LRRC25: variants seen among roughly 807,000 people sequenced by gnomAD.
LRRC25 encodes the protein leucine-rich repeat-containing protein 25.
In LRRC25, 5 loss-of-function variants were observed where a neutral mutation model predicts 18.8. The observed-to-expected ratio is 0.27, with a 90% CI of 0.14 to 0.56. LRRC25 has a LOEUF of 0.56. LRRC25 is among the 20% of genes least tolerant of loss of function. The pLI is 0.93. For missense variants in LRRC25, 341 were observed against 389.8 expected (o/e 0.87, Z 1.05); for synonymous variants, 161 against 176.8 (o/e 0.91, Z 0.71).
chr19:18,394,880 C>T (rs8102397), intron 1 of LRRC25, among the ~76,000 whole-genome samples: 7,276 of 151,958 alleles, frequency 0.048, 458 homozygotes, highest in African/African-American at 0.15. Flanking sequence ...GAGTTTGAGA[C>T]CAGCCTGAGA....
Position 18,391,882 on chromosome 19 carries a change from C to T in LRRC25, c.*105G>A. 1 of 1,384,476 alleles carries T rather than the reference C, an allele frequency of 7.2e-7. No homozygotes were observed. Among genetic ancestry groups the T allele is most frequent in the South Asian group, 1.3e-5 (1 of 75,794 alleles). 85.8% of individuals were successfully genotyped at this position (1,384,476 alleles called of 1,614,324 possible). ...GCCTCAAGGACAATCCTTTCCTGTA[C>T]CCATTCTTCAGATGGGGAAACTGAG... On this transcript the variant is annotated 3_prime_UTR_variant, in exon 2 of 2. Coordinates refer to ENST00000339007, the MANE Select transcript of LRRC25 (RefSeq NM_145256.3).
intron 1 of LRRC25, among the ~76,000 whole-genome samples, chr19:18,395,456 G>A (rs922495944): frequency 6.6e-6 from 1 of 152,040 alleles, no homozygotes; most frequent in Non-Finnish European, 1.5e-5. Context: ...TGGGGAAATG[G>A]GGGGCTGTCC....
rs931063823 is a variant in LRRC25, at chr19:18,397,332, C to T, written c.-369G>A. The stretch of plus-strand genomic sequence containing the variant: ...CCCCCTGATCACGCTCCCGGTATCT[C>T]CCAGAACGGCGGGTCGCTGGGAAGT... On this transcript the variant is annotated 5_prime_UTR_variant, in exon 1 of 2. Coordinates refer to ENST00000339007, the MANE Select transcript of LRRC25 (RefSeq NM_145256.3). 2 of 268,990 alleles carry T rather than the reference C, an allele frequency of 7.4e-6. No homozygotes were observed. Among genetic ancestry groups the T allele is most frequent in the African/African-American group, 4.3e-5 (2 of 46,424 alleles). 16.7% of individuals were successfully genotyped at this position (268,990 alleles called of 1,614,324 possible). A position where few individuals can be genotyped will look rare whatever the true frequency, so the allele number is the denominator to read the frequency against.
At position 18,396,956 on chromosome 19, in the gene LRRC25, C is replaced by T; in HGVS notation, c.8G>A (p.Gly3Asp). Residue 3 changes from glycine to aspartate, a missense_variant, in exon 1 of 2, where the codon GGC becomes GAC. Gly to Asp is a moderately conservative substitution (Grantham distance 94). Transcript: ENST00000339007. ...CAACAGCAGCGTCCATGCCAGGGTG[C>T]CCCCCATTCAAGCAACCTACGTAGA... MG[G>D]TLAWTLLLPL... 3.1e-6 allele frequency: 5 copies of T among 1,604,694 alleles called. No homozygotes were observed. Among genetic ancestry groups the T allele is most frequent in the Non-Finnish European group, 3.4e-6 (4 of 1,175,380 alleles).
At chr19:18,392,787 T>G (rs1971918389) in intron 1 of LRRC25, among the ~76,000 whole-genome samples, 1 of 152,036 alleles carries the variant, frequency 6.6e-6, no homozygotes, top group African/African-American at 2.4e-5. Flanking sequence ...GCCAGGAGTT[T>G]GAGACCATCC....
At chr19:18,393,708 G>T (rs1971929838) in intron 1 of LRRC25, among the ~76,000 whole-genome samples, 1 of 152,192 alleles carries the variant, frequency 6.6e-6, no homozygotes, top group South Asian at 2.1e-4. Context: ...GTGGTTGTAG[G>T]GGGACGAACA....
At position 18,396,181 on chromosome 19, in the gene LRRC25, T is replaced by G. The variant is rs1971965049; in HGVS notation, c.779+4A>C. 2 of 1,584,844 alleles carry G rather than the reference T, an allele frequency of 1.3e-6. No individual in the cohort carries two copies. The highest frequency in any genetic ancestry group is 8.6e-7 in the Non-Finnish European group (1 of 1,160,158). The stretch of plus-strand genomic sequence containing the variant: ...TTTGGCAGGTGTCTCAGTGGCTTAC[T>G]TACCCTTGTTCATCCCACTGGTGCT... On this transcript the variant is annotated splice_donor_region_variant and intron_variant, in intron 1 of 1. Coordinates refer to ENST00000339007, the MANE Select transcript of LRRC25 (RefSeq NM_145256.3).
chr19:18,396,875 G>T lies in LRRC25; in HGVS notation c.89C>A (p.Ala30Glu). The T allele has an allele frequency of 6.2e-7, 1 of 1,613,692 alleles. No individual in the cohort carries two copies. The highest frequency in any genetic ancestry group is 2.2e-5 in the East Asian group (1 of 44,880). ...GAACTCCGCGTTCCAGTCCACATCC[G>T]CGGAGGACACGGTGCACGACGGTTC... ...SLEPSCTVSS[A>E]DVDWNAEFSA... Residue 30 changes from alanine (A) to glutamate (E), a missense_variant, in exon 1 of 2, where the codon GCG becomes GAG. Transcript: ENST00000339007.
chr19:18,396,997 G>T lies in LRRC25; in HGVS notation c.-34C>A. ...CCTACGTAGAGACACCGGAATCCTA[G>T]CCCTGACCTCAGCCCTGTGGTCGCC... On this transcript the variant is annotated 5_prime_UTR_variant, in exon 1 of 2. Coordinates refer to ENST00000339007, the MANE Select transcript of LRRC25 (RefSeq NM_145256.3). The T allele has an allele frequency of 1.3e-6, 2 of 1,575,264 alleles. No homozygotes were observed. The highest frequency in any genetic ancestry group is 1.7e-6 in the Non-Finnish European group (2 of 1,161,624).
rs1353298561 is a variant in LRRC25, at chr19:18,396,413, G to A, written c.551C>T (p.Pro184Leu). Residue 184 changes from proline to leucine, a missense_variant, in exon 1 of 2, where the codon CCT (proline) becomes CTT (leucine). By Grantham distance (98) the Pro-to-Leu change is moderately conservative (BLOSUM62 -3). Transcript: ENST00000339007. ...TCGCCAGAGTCTCCAGGCCAGCACA[G>A]GGCCAGCGATGGCAAGTCCAAGAAG... The part of the protein sequence containing the change: ...CLLLGLAIAG[P>L]VLAWRLWRCR... 3.7e-6 allele frequency: 6 copies of A among 1,613,514 alleles called. No homozygotes were observed. The highest frequency in any genetic ancestry group is 1.1e-5 in the South Asian group (1 of 91,090).
At chr19:18,393,608 G>A (rs189290784) in intron 1 of LRRC25, among the ~76,000 whole-genome samples, 5 of 126,204 alleles carry the variant, frequency 4.0e-5, no homozygotes, top group East Asian at 4.1e-4. Context: ...GCGACAGAGC[G>A]GGAAAAAAAA....
In LRRC25 at chr19:18,397,209, C is replaced by G; in HGVS notation, c.-246G>C. On this transcript the variant is annotated 5_prime_UTR_variant, in exon 1 of 2. Coordinates refer to ENST00000339007, the MANE Select transcript of LRRC25 (RefSeq NM_145256.3). Reference sequence around the variant, plus strand: ...TGGAAGGCGAGGAGGAGATCCGGGCCAGTTAACCCCTTCTTCTATGTCCTG... The same window carrying G: ...TGGAAGGCGAGGAGGAGATCCGGGCGAGTTAACCCCTTCTTCTATGTCCTG... 1.8e-6 allele frequency: 1 copy of G among 565,496 alleles called. No individual in the cohort carries two copies. The highest frequency in any genetic ancestry group is 3.2e-6 in the Non-Finnish European group (1 of 316,858). The allele number at this position is 565,496 out of a possible 1,614,324, so 35.0% of individuals were successfully genotyped here. A position where few individuals can be genotyped will look rare whatever the true frequency, so the allele number is the denominator to read the frequency against.
chr19:18,397,395 C>T lies in LRRC25; in HGVS notation c.-432G>A. On this transcript the variant is annotated 5_prime_UTR_variant, in exon 1 of 2. Transcript: ENST00000339007. The stretch of plus-strand genomic sequence containing the variant: ...TGGAGTGGGGGCTGCTGAAAGGGTC[C>T]TCCCAGGTCTGGTTTGCAGTCCCTG... 1 of 203,698 alleles carries T rather than the reference C, an allele frequency of 4.9e-6. No individual in the cohort carries two copies. Among genetic ancestry groups the T allele is most frequent in the East Asian group, 1.1e-4 (1 of 8,944 alleles). 12.6% of individuals were successfully genotyped at this position (203,698 alleles called of 1,614,324 possible). A position where few individuals can be genotyped will look rare whatever the true frequency, so the allele number is the denominator to read the frequency against.
At position 18,397,265 on chromosome 19, in the gene LRRC25, G is replaced by C; in HGVS notation, c.-302C>G. The C allele has an allele frequency of 4.9e-6, 2 of 404,564 alleles. No homozygotes were observed. The highest frequency in any genetic ancestry group is 8.0e-5 in the South Asian group (2 of 25,010). 25.1% of individuals were successfully genotyped at this position (404,564 alleles called of 1,614,324 possible). A position where few individuals can be genotyped will look rare whatever the true frequency, so the allele number is the denominator to read the frequency against. On this transcript the variant is annotated 5_prime_UTR_variant, in exon 1 of 2. Coordinates refer to ENST00000339007, the MANE Select transcript of LRRC25 (RefSeq NM_145256.3). Reference sequence around the variant, plus strand: ...TTGGGGCGCCCTCGTTGGCCAGGACGGGACCCTATGCAAATAAGCGGTTGC... The same window carrying C: ...TTGGGGCGCCCTCGTTGGCCAGGACCGGACCCTATGCAAATAAGCGGTTGC...
rs764980182 is a variant in LRRC25 at position 18,396,537 on chromosome 19, T to C, written c.427A>G (p.Thr143Ala). ...GCAGAGAGGTTGTGCTGGGAGCTGG[T>C]TGTGTCCCAGCAGAGCAGAGGCTTC... ...GQKPLLCWDTTSSQHNLSAFL... is the reference protein window; with the variant it reads ...GQKPLLCWDTASSQHNLSAFL... Residue 143 changes from threonine (T) to alanine (A), a missense_variant, in exon 1 of 2, where the codon ACC becomes GCC. By Grantham distance (58) the Thr-to-Ala change is moderately conservative. Transcript: ENST00000339007. The C allele has an allele frequency of 8.1e-6, 13 of 1,613,500 alleles. No individual in the cohort carries two copies. In the Admixed American group the frequency reaches 1.0e-4, roughly 12 times the overall value.
At position 18,391,888 on chromosome 19, in the gene LRRC25, C is replaced by A. The variant is rs912488093; in HGVS notation, c.*99G>T. On this transcript the variant is annotated 3_prime_UTR_variant, in exon 2 of 2. Transcript: ENST00000339007. ...AGGACAATCCTTTCCTGTACCCATT[C>A]TTCAGATGGGGAAACTGAGGCCATG... 1.5e-5 allele frequency: 21 copies of A among 1,426,144 alleles called. No individual in the cohort carries two copies. The highest frequency in any genetic ancestry group is 6.2e-5 in the Admixed American group (3 of 48,272). 88.3% of individuals were successfully genotyped at this position (1,426,144 alleles called of 1,614,324 possible).
chr19:18,392,016 C>T lies in LRRC25; in HGVS notation c.889G>A (p.Glu297Lys), dbSNP rs1971906940. 1.9e-6 allele frequency: 3 copies of T among 1,614,008 alleles called. No homozygotes were observed. The highest frequency in any genetic ancestry group is 2.5e-6 in the Non-Finnish European group (3 of 1,180,012). Residue 297 changes from glutamate (E) to lysine (K), a missense_variant, in exon 2 of 2, where the codon GAA (glutamate) becomes AAA (lysine). Glu to Lys is a moderately conservative substitution (Grantham distance 56). Coordinates refer to ENST00000339007, the MANE Select transcript of LRRC25 (RefSeq NM_145256.3). ...LQSLGQAPMD[E>K]EEYVIPGH Reference sequence around the variant, plus strand: ...TGCCCGGGGATCACGTACTCCTCTTCATCCATTGGGGCCTGGCCCAGTGAC... The same window carrying T: ...TGCCCGGGGATCACGTACTCCTCTTTATCCATTGGGGCCTGGCCCAGTGAC...
At position 18,396,574 on chromosome 19, in the gene LRRC25, G is replaced by A; in HGVS notation, c.390C>T (p.Asn130=). 1 of 1,613,910 alleles carries A rather than the reference G, an allele frequency of 6.2e-7. No individual in the cohort carries two copies. The highest frequency in any genetic ancestry group is 8.5e-7 in the Non-Finnish European group (1 of 1,180,048). The change falls in exon 1 of 2, where the codon AAC becomes AAT. Residue 130 remains asparagine, a synonymous_variant. Coordinates refer to ENST00000339007, the MANE Select transcript of LRRC25 (RefSeq NM_145256.3). The part of the protein sequence containing the change: ...LESWHDIRRD[N]CSGQKPLLCW... Reference sequence around the variant, plus strand: ...AGAGCAGAGGCTTCTGGCCAGAGCAGTTGTCTCGGCGGATGTCGTGCCAGG... The same window carrying A: ...AGAGCAGAGGCTTCTGGCCAGAGCAATTGTCTCGGCGGATGTCGTGCCAGG...
chr19:18,393,373 A>C (rs545296382), intron 1 of LRRC25, among the ~76,000 whole-genome samples: 1 of 152,348 alleles, frequency 6.6e-6, no homozygotes, highest in Non-Finnish European at 1.5e-5. Flanking sequence ...CTATAATCCC[A>C]GCACTTTGAG....
Sources: gnomAD v4.1 joint callset for allele counts (sites outside exome capture counted in the v4.1 genomes callset) on GRCh38, gnomAD v4.1.1 for gene constraint, MANE v1.5 for transcripts, NCBI Gene and HGNC (gene_info 2026-07-23, HGNC 2026-07-21) for gene names.